Variants in SMOC2 observed in about 807,000 individuals in gnomAD.
SMOC2 encodes SPARC-related modular calcium-binding protein 2.
SMOC2 carries 39 observed loss-of-function variants against 61.4 expected under a neutral mutation model. The observed-to-expected ratio is 0.64, with a 90% CI of 0.49 to 0.83. The LOEUF (loss-of-function observed/expected upper bound fraction) is 0.83, where lower values mean the gene tolerates loss of function less well. SMOC2 is among the 40% of genes least tolerant of loss of function. SMOC2 has a pLI of 0.00. For missense variants in SMOC2, 556 were observed against 592.9 expected, an observed-to-expected ratio of 0.94 and a Z score of 0.65; for synonymous variants, 247 against 239.9, an observed-to-expected ratio of 1.03 and a Z score of -0.27.
At chr6:168,644,103 A>G (rs1251723010) in intron 9 of SMOC2, among the ~76,000 whole-genome samples, 1 of 152,250 alleles carries the variant, frequency 6.6e-6, no homozygotes, top group Non-Finnish European at 1.5e-5. Flanking sequence ...GGGATGGAGC[A>G]TTGAGATTGC....
chr6:168,607,854 G>A (rs960008245), intron 8 of SMOC2, among the ~76,000 whole-genome samples: 1 of 152,250 alleles, frequency 6.6e-6, no homozygotes, highest in Non-Finnish European at 1.5e-5. Context: ...GGGAGGAGGG[G>A]GAGGTGTGGG....
chr6:168,443,638 C>T (rs1036561210), intron 1 of SMOC2, among the ~76,000 whole-genome samples: 1 of 152,204 alleles, frequency 6.6e-6, no homozygotes, highest in African/African-American at 2.4e-5. Context: ...TCTGACTGGT[C>T]GCTGGGAGAT....
intron 7 of SMOC2, among the ~76,000 whole-genome samples, chr6:168,586,002 A>C (rs1785040234): frequency 6.6e-6 from 1 of 152,116 alleles, no homozygotes; most frequent in Admixed American, 6.6e-5. Flanking sequence ...ATTTTAATGA[A>C]GTCCACTTTT....
chr6:168,462,928 G>A (rs1382417523), intron 1 of SMOC2, among the ~76,000 whole-genome samples: 1 of 152,174 alleles, frequency 6.6e-6, no homozygotes, highest in East Asian at 1.9e-4. Context: ...TGACATTCCT[G>A]TAGTTTCTAA....
intron 1 of SMOC2, among the ~76,000 whole-genome samples, chr6:168,480,026 G>A (rs974241831): frequency 6.6e-5 from 10 of 152,108 alleles, no homozygotes; most frequent in Non-Finnish European, 1.0e-4. Flanking sequence ...AGACCTGAGA[G>A]GACCTTCATT....
chr6:168,580,582 T>C (rs9295069), intron 7 of SMOC2, among the ~76,000 whole-genome samples: 148,697 of 152,328 alleles, frequency 0.98, 72,591 homozygotes, highest in East Asian at 1. Context: ...CACTCTGTCA[T>C]CCAGGCTGGA....
At chr6:168,605,720 T>C (rs1785669753) in intron 8 of SMOC2, among the ~76,000 whole-genome samples, 1 of 152,212 alleles carries the variant, frequency 6.6e-6, no homozygotes, top group African/African-American at 2.4e-5. Context: ...TGATCTAGTC[T>C]CGTGCCACCC....
chr6:168,485,599 T>G (rs755575950), intron 1 of SMOC2, among the ~76,000 whole-genome samples: 1 of 152,142 alleles, frequency 6.6e-6, no homozygotes, highest in South Asian at 2.1e-4. Context: ...AGTCTCTATA[T>G]AAAATGCCCA....
At position 168,650,800 on chromosome 6, in the gene SMOC2, G is replaced by A. The variant is rs374573347; in HGVS notation, c.1010+17G>A. 119 of 1,600,030 alleles carry A rather than the reference G, an allele frequency of 7.4e-5. No individual in the cohort carries two copies. The highest frequency in any genetic ancestry group is 8.0e-5 in the Non-Finnish European group (94 of 1,175,272). On this transcript the variant is annotated intron_variant, in intron 10 of 12. Coordinates refer to ENST00000356284, the MANE Select transcript of SMOC2 (RefSeq NM_001166412.2). ...GTCAGGCAGGTACGCTGTGTTCGCCGTGGGACAACAAGTTGGCAGGGTCCC... is the reference window on the plus strand; with the variant it reads ...GTCAGGCAGGTACGCTGTGTTCGCCATGGGACAACAAGTTGGCAGGGTCCC...
At chr6:168,604,086 C>T (rs1040548074) in intron 8 of SMOC2, among the ~76,000 whole-genome samples, 5 of 152,222 alleles carry the variant, frequency 3.3e-5, no homozygotes, top group Non-Finnish European at 7.3e-5. Context: ...ATTCCCTCTC[C>T]CAAAGCCGCC....
chr6:168,456,069 C>T (rs918409977), intron 1 of SMOC2, among the ~76,000 whole-genome samples: 3 of 152,198 alleles, frequency 2.0e-5, no homozygotes, highest in South Asian at 4.1e-4. Flanking sequence ...CCAGGGAGGG[C>T]GGAGTGGGCG....
intron 4 of SMOC2, among the ~76,000 whole-genome samples, chr6:168,536,241 G>A (rs962017506): frequency 6.6e-6 from 1 of 152,160 alleles, no homozygotes; most frequent in African/African-American, 2.4e-5. Flanking sequence ...ATCTCAACAC[G>A]GGATCCTAGG....
intron 9 of SMOC2, among the ~76,000 whole-genome samples, chr6:168,650,045 A>G (rs1583187184): frequency 1.3e-5 from 2 of 152,260 alleles, no homozygotes; most frequent in South Asian, 4.1e-4. Context: ...TGGAGGGGAA[A>G]GTCACGCTGC....
intron 2 of SMOC2, among the ~76,000 whole-genome samples, chr6:168,516,341 T>G (rs2749269): frequency 0.5 from 74,674 of 150,424 alleles, 21,897 homozygotes; most frequent in Non-Finnish European, 0.67. Context: ...GCTGTCTTTC[T>G]TTTCAACAAA....
At chr6:168,620,104 C>T (rs372245990) in intron 9 of SMOC2, among the ~76,000 whole-genome samples, 1 of 152,208 alleles carries the variant, frequency 6.6e-6, no homozygotes, top group Non-Finnish European at 1.5e-5. Flanking sequence ...CCTGTGGTCT[C>T]TCCCCTCCAC....
At chr6:168,592,640 C>T (rs540215523) in intron 7 of SMOC2, among the ~76,000 whole-genome samples, 2 of 139,662 alleles carry the variant, frequency 1.4e-5, no homozygotes, top group Non-Finnish European at 3.1e-5. Flanking sequence ...GGGCATCTTT[C>T]TAGAGGATCG....
chr6:168,452,240 A>G lies in SMOC2; in HGVS notation c.84+10786A>G, dbSNP rs1781482695. On this transcript the variant is annotated intron_variant, in intron 1 of 12. Coordinates refer to ENST00000356284, the MANE Select transcript of SMOC2 (RefSeq NM_001166412.2). The surrounding 1 kb of genome is among the most constrained non-coding windows in gnomAD (Gnocchi z 5.0). ...TAAAAAGCAGGGACATTTTAGCTTG[A>G]TGTTTCTACTGTCTTTATTTAGAAG... Among the ~76,000 whole-genome samples, 1 of 152,232 alleles carries G rather than the reference A, an allele frequency of 6.6e-6. No individual in the cohort carries two copies. Among genetic ancestry groups the G allele is most frequent in the Admixed American group, 6.5e-5 (1 of 15,284 alleles).
intron 7 of SMOC2, among the ~76,000 whole-genome samples, chr6:168,585,271 G>A (rs992231202): frequency 1.3e-5 from 2 of 152,124 alleles, no homozygotes; most frequent in Non-Finnish European, 2.9e-5. Flanking sequence ...CATTACTTTG[G>A]TCTGTTCTGG....
intron 8 of SMOC2, among the ~76,000 whole-genome samples, chr6:168,603,002 A>G (rs1785592075): frequency 6.6e-6 from 1 of 152,154 alleles, no homozygotes; most frequent in Admixed American, 6.5e-5. Context: ...ATGTCGTGGG[A>G]GGGACCTACC....
Sources: allele counts gnomAD v4.1 joint callset (sites outside exome capture counted in the v4.1 genomes callset), GRCh38; gene constraint gnomAD v4.1.1; non-coding constraint Gnocchi (gnomAD v3.1); transcripts MANE v1.5; gene names NCBI Gene and HGNC (gene_info 2026-07-23, HGNC 2026-07-21).